The following PAQR5 variants were observed in gnomAD, a reference collection of about 807,000 sequenced individuals.
PAQR5 encodes progestin and adipoQ receptor family member 5.
PAQR5 carries 20 observed loss-of-function variants against 34.5 expected under a neutral mutation model. The observed-to-expected ratio is 0.58, with a 90% CI of 0.41 to 0.84. The LOEUF is 0.84. Ranked by LOEUF, PAQR5 falls within the 40% of genes least tolerant of loss-of-function variation. The pLI, the probability that PAQR5 is intolerant of heterozygous loss-of-function variation, is 0.00. For synonymous variants in PAQR5, 131 were observed against 155.6 expected, an observed-to-expected ratio of 0.84 and a Z score of 1.18; for missense variants, 378 against 412.7, an observed-to-expected ratio of 0.92 and a Z score of 0.73.
At chr15:69,358,559 G>C (rs1504629) in intron 2 of PAQR5, among the ~76,000 whole-genome samples, 4 of 150,366 alleles carry the variant, frequency 2.7e-5, no homozygotes, top group Admixed American at 1.3e-4. Flanking sequence ...AAGTTATTCC[G>C]CCCCTCCCAC....
At chr15:69,390,319 T>TAG (rs1567038271) in intron 6 of PAQR5, among the ~76,000 whole-genome samples, 2 of 136,784 alleles carry the variant, frequency 1.5e-5, no homozygotes, top group African/African-American at 5.4e-5. Flanking sequence ...CCTGACCTGT[T>TAG]TTTTATTTAT....
At chr15:69,390,100 C>T (rs555402983) in intron 6 of PAQR5, among the ~76,000 whole-genome samples, 40 of 152,304 alleles carry the variant, frequency 2.6e-4, no homozygotes, top group African/African-American at 9.1e-4. Flanking sequence ...ACTGCAACCT[C>T]CGCCTCCTGA....
At chr15:69,319,150 AATATATACATATATATAT>A (rs2054023855) in intron 1 of PAQR5, among the ~76,000 whole-genome samples, 3 of 96,780 alleles carry the variant, frequency 3.1e-5, no homozygotes, top group African/African-American at 1.4e-4. Flanking sequence ...TATATATATA[AATATATACATATATATAT>A]ATATATATAT....
chr15:69,351,936 C>T (rs998534095), intron 2 of PAQR5, among the ~76,000 whole-genome samples: 1 of 152,158 alleles, frequency 6.6e-6, no homozygotes, highest in Admixed American at 6.5e-5. Flanking sequence ...ACACACATTC[C>T]TCATTTGGGT....
chr15:69,390,340 A>ATTTTT (rs1450802023), intron 6 of PAQR5, among the ~76,000 whole-genome samples: 38 of 99,518 alleles, frequency 3.8e-4, no homozygotes, highest in Admixed American at 2.4e-3. Context: ...TTATTTATTT[A>ATTTTT]TTTATTTATT....
intron 3 of PAQR5, among the ~76,000 whole-genome samples, chr15:69,374,413 C>T (rs926875909): frequency 3.9e-5 from 6 of 152,128 alleles, no homozygotes; most frequent in East Asian, 1.9e-4. Flanking sequence ...CAGTGGCTCA[C>T]GTCTGTAATC....
At chr15:69,312,547 C>T (rs968484013) in intron 1 of PAQR5, among the ~76,000 whole-genome samples, 1 of 151,496 alleles carries the variant, frequency 6.6e-6, no homozygotes, top group Non-Finnish European at 1.5e-5. Context: ...GTCACAGCAG[C>T]GGGGGAACTT....
intron 1 of PAQR5, among the ~76,000 whole-genome samples, chr15:69,311,217 G>A (rs2053827740): frequency 1.3e-5 from 2 of 152,040 alleles, no homozygotes; most frequent in East Asian, 1.9e-4. Context: ...GTAGAAGGGA[G>A]GGAAGACGGA....
intron 3 of PAQR5, among the ~76,000 whole-genome samples, chr15:69,366,593 G>A (rs550441237): frequency 7.2e-5 from 11 of 152,080 alleles, no homozygotes; most frequent in South Asian, 4.1e-4. Context: ...AATCCTTGAC[G>A]TTTGTTCAGA....
intron 4 of PAQR5, chr15:69,382,711 T>A (rs2055931148): frequency 7.3e-6 from 1 of 137,416 alleles, no homozygotes; most frequent in Non-Finnish European, 1.6e-5. Context: ...TATATGTATG[T>A]ATGTATATAT....
intron 2 of PAQR5, among the ~76,000 whole-genome samples, chr15:69,339,793 T>C (rs771215822): frequency 6.6e-6 from 1 of 151,400 alleles, no homozygotes; most frequent in Non-Finnish European, 1.5e-5. Context: ...CTTTAGAATG[T>C]ACCAGAGCAT....
At chr15:69,310,937 G>C (rs1347025895) in intron 1 of PAQR5, among the ~76,000 whole-genome samples, 2 of 149,866 alleles carry the variant, frequency 1.3e-5, no homozygotes, top group Admixed American at 6.7e-5. Flanking sequence ...TACTCGGGAG[G>C]CTGAGGCAGG....
At chr15:69,356,302 C>T (rs1312600135) in intron 2 of PAQR5, among the ~76,000 whole-genome samples, 12 of 152,232 alleles carry the variant, frequency 7.9e-5, no homozygotes, top group Non-Finnish European at 1.5e-4. Flanking sequence ...TGAGTGTGCA[C>T]GGCTTGGTGA....
At chr15:69,365,460 A>G (rs192089986) in intron 3 of PAQR5, among the ~76,000 whole-genome samples, 8 of 152,318 alleles carry the variant, frequency 5.3e-5, no homozygotes, top group Non-Finnish European at 7.3e-5. Context: ...TGAGATGATC[A>G]TATATGATTC....
intron 2 of PAQR5, among the ~76,000 whole-genome samples, chr15:69,343,610 C>G (rs920104764): frequency 6.6e-6 from 1 of 152,180 alleles, no homozygotes; most frequent in Non-Finnish European, 1.5e-5. Context: ...CAATAACTGT[C>G]TTTCATCAAT....
At chr15:69,380,837 G>T (rs2055864554) in intron 4 of PAQR5, among the ~76,000 whole-genome samples, 1 of 152,228 alleles carries the variant, frequency 6.6e-6, no homozygotes, top group Admixed American at 6.5e-5. Flanking sequence ...CTTACGTCAT[G>T]CAGGGGCGCC....
chr15:69,363,773 C>T (rs150774557), intron 3 of PAQR5, among the ~76,000 whole-genome samples: 3,403 of 152,056 alleles, frequency 0.022, 131 homozygotes, highest in African/African-American at 0.078. Flanking sequence ...GGCTGGGTCT[C>T]GAACTCCTGA....
In PAQR5 at chr15:69,403,603, C is replaced by T. The variant is rs547005137; in HGVS notation, c.774C>T (p.His258=). Residue 258 remains histidine, a synonymous_variant, in exon 9 of 9, where the codon CAC becomes CAT. Transcript: ENST00000395407. The part of the protein sequence containing the change: ...DYIGHSHQLF[H]VCVILATHMQ... ...TAGGTCACAGTCACCAGCTGTTTCA[C>T]GTGTGTGTGATCCTGGCCACGCACA... 97 of 1,614,114 alleles carry T rather than the reference C, an allele frequency of 6.0e-5. No individual in the cohort carries two copies. Among genetic ancestry groups the T allele is most frequent in the Non-Finnish European group, 7.2e-5 (85 of 1,180,010 alleles).
At chr15:69,338,639 A>G (rs2054566333) in intron 2 of PAQR5, among the ~76,000 whole-genome samples, 1 of 152,164 alleles carries the variant, frequency 6.6e-6, no homozygotes, top group Admixed American at 6.5e-5. Context: ...TCCTATCTTC[A>G]TAGCCTACAC....
Sources: gnomAD v4.1 joint callset for allele counts (sites outside exome capture counted in the v4.1 genomes callset) on GRCh38, gnomAD v4.1.1 for gene constraint, MANE v1.5 for transcripts, NCBI Gene and HGNC (gene_info 2026-07-23, HGNC 2026-07-21) for gene names.